Variants in PRKCSH observed in about 807,000 individuals in gnomAD.
PRKCSH encodes the protein glucosidase 2 subunit beta.
In PRKCSH, 42 loss-of-function variants were observed where a neutral mutation model predicts 79.7. The ratio of observed to expected loss-of-function variants is 0.53; its 90% CI spans 0.41 to 0.68. The LOEUF is 0.68. Ranked by LOEUF, PRKCSH falls within the 30% of genes least tolerant of loss-of-function variation. The pLI is 0.00. For missense variants in PRKCSH, 686 were observed against 709.0 expected (o/e 0.97, Z 0.37); for synonymous variants, 325 against 288.2 (o/e 1.13, Z -1.29).
At chr19:11,438,249 T>C (rs1199857945) in intron 5 of PRKCSH, 125 bp downstream of exon 5, 4 of 1,055,224 alleles carry the variant, frequency 3.8e-6, no homozygotes, top group Non-Finnish European at 5.7e-6. Context: ...GCCAGGTGCC[T>C]TGTGAATCCT....
At position 11,449,901 on chromosome 19, in the gene PRKCSH, A is replaced by G. The variant is rs1333578837; in HGVS notation, c.*16+473A>G. ...TGCCGAGGCTGGAATGTGGAATGCA[A>G]TGGCGCGATCTCGGCTCACTGCAAC... is the stretch of plus-strand genomic sequence containing the variant. On this transcript the variant is annotated intron_variant, in intron 17 of 17. Transcript: ENST00000677123. The surrounding 1 kb of genome is among the most constrained non-coding windows in gnomAD (Gnocchi z 6.4). 20 of 203,372 alleles carry G rather than the reference A, an allele frequency of 9.8e-5. No homozygotes were observed. The highest frequency in any genetic ancestry group is 8.5e-4 in the East Asian group (7 of 8,210). 12.6% of individuals were successfully genotyped at this position (203,372 alleles called of 1,614,324 possible).
chr19:11,448,675 G>T lies in PRKCSH; in HGVS notation c.1286+46G>T, dbSNP rs754330522. ...GGCCCCCACTGGCAGGGTGGGAGGC[G>T]GGTGGCCCCGGAAGTGGCACCGGCA... On this transcript the variant is annotated intron_variant, in intron 14 of 17. Transcript: ENST00000677123. This position sits in a 1 kb window ranked among gnomAD's most constrained non-coding sequence, Gnocchi z 4.4. 1 of 1,561,718 alleles carries T rather than the reference G, an allele frequency of 6.4e-7. No individual in the cohort carries two copies. The highest frequency in any genetic ancestry group is 1.7e-5 in the Admixed American group (1 of 59,936).
rs56015835 is a variant in PRKCSH at position 11,436,685 on chromosome 19, C to T, written c.196+180C>T. On this transcript the variant is annotated intron_variant, in intron 3 of 17. Transcript: ENST00000677123. ...GCTGGAGGAGCCCAGAGTCGTCCTC[C>T]TCCCAAGCCTCGGGGTCAGAGAAGG... 86,807 of 609,752 alleles carry T rather than the reference C, an allele frequency of 0.14. 7,450 individuals carry two copies. The highest frequency in any genetic ancestry group is 0.27 in the South Asian group (14,887 of 55,882). 37.8% of individuals were successfully genotyped at this position (609,752 alleles called of 1,614,324 possible).
chr19:11,436,898 C>T (rs1969779756), intron 3 of PRKCSH, among the ~76,000 whole-genome samples: 1 of 152,180 alleles, frequency 6.6e-6, no homozygotes, highest in South Asian at 2.1e-4. Flanking sequence ...TGCTTTGTTG[C>T]TGAGGCTGGA....
At chr19:11,444,156 T>C (rs1358262524) in intron 7 of PRKCSH, among the ~76,000 whole-genome samples, 2 of 152,220 alleles carry the variant, frequency 1.3e-5, no homozygotes, top group East Asian at 1.9e-4. Flanking sequence ...CCACATTGCA[T>C]GTAGAAAGGG....
At position 11,448,427 on chromosome 19, in the gene PRKCSH, G is replaced by A. The variant is rs575621953; in HGVS notation, c.1197-113G>A. On this transcript the variant is annotated intron_variant, in intron 13 of 17. Transcript: ENST00000677123. This position sits in a 1 kb window ranked among gnomAD's most constrained non-coding sequence, Gnocchi z 4.4. ...CTGCAGGGAGGGTCCCTGGGAGGTGGCAGGGAGGACAGCCTGGGCACCATT... is the reference window on the plus strand; with the variant it reads ...CTGCAGGGAGGGTCCCTGGGAGGTGACAGGGAGGACAGCCTGGGCACCATT... The A allele has an allele frequency of 6.9e-7, 1 of 1,439,668 alleles. No homozygotes were observed. Among genetic ancestry groups the A allele is most frequent in the East Asian group, 2.3e-5 (1 of 43,630 alleles). 89.2% of individuals were successfully genotyped at this position (1,439,668 alleles called of 1,614,324 possible).
At position 11,446,283 on chromosome 19, in the gene PRKCSH, C is replaced by A; in HGVS notation, c.695C>A (p.Thr232Asn). Residue 232 changes from threonine to asparagine, a missense_variant, in exon 9 of 18, where the codon ACT becomes AAT. Thr to Asn is a moderately conservative substitution (Grantham distance 65). Transcript: ENST00000677123. ...CCACGCCCCCGCAGGGTCTCGGTGA[C>A]TGAGCTGCAGACTCACCCGGAGCTG... ...DDDMDGTVSV[T>N]ELQTHPELDT... is the part of the protein sequence containing the mutation. The A allele has an allele frequency of 6.2e-7, 1 of 1,613,712 alleles. No individual in the cohort carries two copies. The highest frequency in any genetic ancestry group is 2.2e-5 in the East Asian group (1 of 44,870).
In PRKCSH at chr19:11,449,793, C is replaced by G. The variant is rs1453989235; in HGVS notation, c.*16+365C>G. The G allele has an allele frequency of 6.6e-6, 2 of 302,472 alleles. No homozygotes were observed. The highest frequency in any genetic ancestry group is 1.7e-4 in the East Asian group (2 of 12,038). 18.7% of individuals were successfully genotyped at this position (302,472 alleles called of 1,614,324 possible). On this transcript the variant is annotated intron_variant, in intron 17 of 17. Transcript: ENST00000677123. This position sits in a 1 kb window ranked among gnomAD's most constrained non-coding sequence, Gnocchi z 6.4. ...CAGATGATCCACCTGCCTTGGCCTC[C>G]CAAAGTGCTGGGATTACAGGCATGA...
chr19:11,448,848 G>C lies in PRKCSH; in HGVS notation c.1287-66G>C. The C allele has an allele frequency of 1.9e-6, 3 of 1,582,658 alleles. No homozygotes were observed. Among genetic ancestry groups the C allele is most frequent in the Non-Finnish European group, 2.6e-6 (3 of 1,151,806 alleles). ...GTGTGGGGACTGGAGGAGGCGGTGGGGGGTGGCTGTGGGAGGAGGCTGGAA... is the reference window on the plus strand; with the variant it reads ...GTGTGGGGACTGGAGGAGGCGGTGGCGGGTGGCTGTGGGAGGAGGCTGGAA... On this transcript the variant is annotated intron_variant, in intron 14 of 17. Coordinates refer to ENST00000677123, the MANE Select transcript of PRKCSH (RefSeq NM_001289104.2). This position sits in a 1 kb window ranked among gnomAD's most constrained non-coding sequence, Gnocchi z 4.4.
rs374424186 is a variant in PRKCSH at position 11,448,533 on chromosome 19, C to G, written c.1197-7C>G. 6.2e-7 allele frequency: 1 copy of G among 1,613,560 alleles called. No individual in the cohort carries two copies. The highest frequency in any genetic ancestry group is 8.5e-7 in the Non-Finnish European group (1 of 1,179,516). On this transcript the variant is annotated splice_region_variant and splice_polypyrimidine_tract_variant and intron_variant, in intron 13 of 17. Coordinates refer to ENST00000677123, the MANE Select transcript of PRKCSH (RefSeq NM_001289104.2). The surrounding 1 kb of genome is among the most constrained non-coding windows in gnomAD (Gnocchi z 4.4). Reference sequence around the variant, plus strand: ...CTGCCCCTTAACCGCTCCGCCTCCCCTTCCAGGAACCTGGAGCAAGAGATT... The same window carrying G: ...CTGCCCCTTAACCGCTCCGCCTCCCGTTCCAGGAACCTGGAGCAAGAGATT...
intron 9 of PRKCSH, 131 bp downstream of exon 9, chr19:11,446,481 C>G: frequency 9.0e-7 from 1 of 1,106,944 alleles, no homozygotes; most frequent in Non-Finnish European, 1.3e-6. Context: ...GCTGGGATGG[C>G]AGCCACTCAG....
intron 8 of PRKCSH, chr19:11,445,685 C>T (rs1488543955): frequency 1.6e-5 from 10 of 627,394 alleles, no homozygotes; most frequent in Non-Finnish European, 2.9e-5. Flanking sequence ...CACCCTCTCC[C>T]CAGGAGCTGG....
At chr19:11,442,661 G>A (rs1369989743) in intron 7 of PRKCSH, 146 bp downstream of exon 7, 3 of 1,320,724 alleles carry the variant, frequency 2.3e-6, no homozygotes, top group Non-Finnish European at 3.2e-6. Flanking sequence ...AGGTTCGCTT[G>A]GATTGTGGCA....
At chr19:11,445,228 G>T (rs566928097) in intron 7 of PRKCSH, among the ~76,000 whole-genome samples, 161 bp from the exon 8 acceptor site, 1 of 152,176 alleles carries the variant, frequency 6.6e-6, no homozygotes, top group Non-Finnish European at 1.5e-5. Flanking sequence ...GTTCTCCCCT[G>T]GTAAGGGCAG....
chr19:11,447,542 AG>A lies in PRKCSH; in HGVS notation c.955del (p.Glu319ArgfsTer73). On this transcript the variant is annotated frameshift_variant, in exon 11 of 18. Coordinates refer to ENST00000677123, the MANE Select transcript of PRKCSH (RefSeq NM_001289104.2). LOFTEE classifies it high-confidence loss of function. The surrounding 1 kb of genome is among the most constrained non-coding windows in gnomAD (Gnocchi z 5.6). ...PSSPTEEEEE[E>X]EEEEEEEAEE... ...TCGCCCACAGAGGAGGAGGAGGAGG[AG>A]GAGGAGGAGGAGGAAGAAGAGGCTG... is the stretch of plus-strand genomic sequence containing the variant. 1 of 1,604,142 alleles carries A rather than the reference AG, an allele frequency of 6.2e-7. No homozygotes were observed. The highest frequency in any genetic ancestry group is 8.5e-7 in the Non-Finnish European group (1 of 1,174,318).
intron 8 of PRKCSH, chr19:11,445,793 C>T (rs969356642): frequency 3.3e-5 from 16 of 479,886 alleles, no homozygotes; most frequent in South Asian, 2.1e-4. Flanking sequence ...GACCTGGGTT[C>T]GAATCCTGGC....
Position 11,449,803 on chromosome 19 carries a change from G to C in PRKCSH, c.*16+375G>C. The C allele has an allele frequency of 3.6e-6, 1 of 281,488 alleles. No homozygotes were observed. Among genetic ancestry groups the C allele is most frequent in the South Asian group, 3.8e-5 (1 of 26,430 alleles). The allele number at this position is 281,488 out of a possible 1,614,324, so 17.4% of individuals were successfully genotyped here. On this transcript the variant is annotated intron_variant, in intron 17 of 17. Coordinates refer to ENST00000677123, the MANE Select transcript of PRKCSH (RefSeq NM_001289104.2). The surrounding 1 kb of genome is among the most constrained non-coding windows in gnomAD (Gnocchi z 6.4). Reference sequence around the variant, plus strand: ...ACCTGCCTTGGCCTCCCAAAGTGCTGGGATTACAGGCATGAGCCACCACAC... The same window carrying C: ...ACCTGCCTTGGCCTCCCAAAGTGCTCGGATTACAGGCATGAGCCACCACAC...
chr19:11,445,350 G>T, intron 7 of PRKCSH, 39 bp from the exon 8 acceptor site: 1 of 1,605,212 alleles, frequency 6.2e-7, no homozygotes. Context: ...ATGGGAGCCG[G>T]TGGGTGGGCA....
chr19:11,447,937 T>A lies in PRKCSH; in HGVS notation c.1126+148T>A. On this transcript the variant is annotated intron_variant, in intron 12 of 17. Transcript: ENST00000677123. This position sits in a 1 kb window ranked among gnomAD's most constrained non-coding sequence, Gnocchi z 5.6. ...TCTTGGGGAGTCCAGGAAGGGGGCC[T>A]AGGGTAAGCCAGTCCCACCCTCGCC... 9.7e-7 allele frequency: 1 copy of A among 1,027,440 alleles called. No homozygotes were observed. Among genetic ancestry groups the A allele is most frequent in the Non-Finnish European group, 1.4e-6 (1 of 720,074 alleles). The allele number at this position is 1,027,440 out of a possible 1,614,324, so 63.6% of individuals were successfully genotyped here.
Sources: gnomAD v4.1 joint callset for allele counts (sites outside exome capture counted in the v4.1 genomes callset) on GRCh38, gnomAD v4.1.1 for gene constraint, Gnocchi (gnomAD v3.1) non-coding constraint, MANE v1.5 for transcripts, NCBI Gene and HGNC (gene_info 2026-07-23, HGNC 2026-07-21) for gene names.